DCBLD1: variants seen among roughly 807,000 people sequenced by gnomAD.
DCBLD1 encodes the protein discoidin, CUB and LCCL domain-containing protein 1.
Under a neutral mutation model 71.5 loss-of-function variants are expected in DCBLD1, and 57 were observed. The ratio of observed to expected loss-of-function variants is 0.80; its 90% CI spans 0.64 to 0.99. The LOEUF is 0.99. Ranked by LOEUF, DCBLD1 falls within the 50% of genes least tolerant of loss-of-function variation. The pLI is 0.00. For synonymous variants in DCBLD1, 380 were observed against 363.8 expected, an observed-to-expected ratio of 1.04 and a Z score of -0.51; for missense variants, 891 against 923.5, an observed-to-expected ratio of 0.96 and a Z score of 0.46.
At chr6:117,493,309 T>C (rs754611777) in intron 1 of DCBLD1, among the ~76,000 whole-genome samples, 42 of 152,306 alleles carry the variant, frequency 2.8e-4, no homozygotes, top group Middle Eastern at 3.4e-3. Flanking sequence ...TTAGTTTGCA[T>C]ACTGAAGTGT....
chr6:117,544,431 T>C, intron 12 of DCBLD1, 97 bp from the exon 13 acceptor site: 8 of 1,205,536 alleles, frequency 6.6e-6, no homozygotes, highest in Non-Finnish European at 9.2e-6. Context: ...ACATCAACCC[T>C]ATGAGGTAAG....
intron 2 of DCBLD1, among the ~76,000 whole-genome samples, chr6:117,514,451 C>A (rs982280840): frequency 2.0e-5 from 3 of 151,882 alleles, no homozygotes; most frequent in African/African-American, 7.3e-5. Flanking sequence ...CAAAAAAAAT[C>A]AAAAAATTAG....
chr6:117,488,464 C>T lies in DCBLD1; in HGVS notation c.112+5571C>T, dbSNP rs186170715. Among the ~76,000 whole-genome samples the T allele has an allele frequency of 1.7e-3, 251 of 151,792 alleles. 2 individuals are homozygous for T. Among genetic ancestry groups the T allele is most frequent in the African/African-American group, 5.5e-3 (227 of 41,364 alleles). ...TTCCAGACCAGCCTGGGCAACATGG[C>T]GAAACCCCCGACTCTACAAAAAATA... On this transcript the variant is annotated intron_variant, in intron 1 of 14. Coordinates refer to ENST00000338728, the MANE Select transcript of DCBLD1 (RefSeq NM_001366458.2).
chr6:117,561,160 A>G, intron 14 of DCBLD1: 1 of 224,500 alleles, frequency 4.5e-6, no homozygotes, highest in Non-Finnish European at 8.9e-6. Context: ...CTACCTGGAA[A>G]CTTTTCATTC....
Position 117,519,798 on chromosome 6 carries a change from A to G in DCBLD1, c.326-18A>G, listed in dbSNP as rs942308402. 6 of 1,599,264 alleles carry G rather than the reference A, an allele frequency of 3.8e-6. No individual in the cohort carries two copies. Among genetic ancestry groups the G allele is most frequent in the Non-Finnish European group, 5.1e-6 (6 of 1,167,618 alleles). On this transcript the variant is annotated intron_variant, in intron 2 of 14. Coordinates refer to ENST00000338728, the MANE Select transcript of DCBLD1 (RefSeq NM_001366458.2). ...GGTATAAATTTTGAAATGTGCCACA[A>G]GTGTGCTTTGTTTTTAGGTCCATAC...
intron 14 of DCBLD1, among the ~76,000 whole-genome samples, chr6:117,555,474 C>T (rs1779484582): frequency 1.3e-5 from 2 of 152,120 alleles, no homozygotes; most frequent in East Asian, 3.9e-4. Context: ...GTAGAGGGCA[C>T]CTAGTGAGCA....
chr6:117,559,537 C>T (rs1158364282), intron 14 of DCBLD1, among the ~76,000 whole-genome samples: 1 of 152,100 alleles, frequency 6.6e-6, no homozygotes, highest in African/African-American at 2.4e-5. Context: ...TTTCAGACCA[C>T]AGCAGCTGGA....
At chr6:117,491,870 A>G (rs1287380388) in intron 1 of DCBLD1, among the ~76,000 whole-genome samples, 1 of 152,198 alleles carries the variant, frequency 6.6e-6, no homozygotes, top group Non-Finnish European at 1.5e-5. Context: ...TTGGTGCGCT[A>G]TACCTGTATT....
At chr6:117,496,080 T>C (rs1371142460) in intron 1 of DCBLD1, among the ~76,000 whole-genome samples, 1 of 152,246 alleles carries the variant, frequency 6.6e-6, no homozygotes. Context: ...TTTATTTTAC[T>C]TTCAAATGTT....
At chr6:117,527,622 A>G (rs570758080) in intron 5 of DCBLD1, among the ~76,000 whole-genome samples, 44 of 152,342 alleles carry the variant, frequency 2.9e-4, no homozygotes, top group South Asian at 8.3e-4. Flanking sequence ...TTTCAGCTGC[A>G]TATAAGGAAT....
intron 1 of DCBLD1, among the ~76,000 whole-genome samples, chr6:117,497,294 A>G (rs1465133240): frequency 1.3e-5 from 2 of 152,254 alleles, no homozygotes; most frequent in Non-Finnish European, 2.9e-5. Context: ...TTAAAGTCTA[A>G]TCATACTTTC....
At chr6:117,529,590 G>T (rs1778650307) in intron 5 of DCBLD1, among the ~76,000 whole-genome samples, 1 of 152,082 alleles carries the variant, frequency 6.6e-6, no homozygotes. Context: ...CAAAAATCAG[G>T]TTCAATAAAT....
rs552233422 is a variant in DCBLD1 at position 117,549,094 on chromosome 6, C to T, written c.*655C>T. The T allele has an allele frequency of 3.0e-6, 3 of 985,762 alleles. No individual in the cohort carries two copies. The highest frequency in any genetic ancestry group is 6.1e-5 in the Admixed American group (1 of 16,302). The allele number at this position is 985,762 out of a possible 1,614,324, so 61.1% of individuals were successfully genotyped here. On this transcript the variant is annotated 3_prime_UTR_variant, in exon 15 of 15. Transcript: ENST00000338728. ...TTAAAAACAAGCAAAGAAACAACAC[C>T]TCAGCAGCTGCCCGTTTCCTTAGTC...
chr6:117,539,030 A>T, intron 8 of DCBLD1, 195 bp downstream of exon 8: 1 of 708,114 alleles, frequency 1.4e-6, no homozygotes, highest in Non-Finnish European at 2.3e-6. Context: ...ATATGGATAT[A>T]TGGATTAGAG....
In DCBLD1 at chr6:117,540,751, C is replaced by T. The variant is rs756118119; in HGVS notation, c.1185C>T (p.Val395=). 34 of 1,614,052 alleles carry T rather than the reference C, an allele frequency of 2.1e-5. No homozygotes were observed. Among genetic ancestry groups the T allele is most frequent in the African/African-American group, 2.7e-5 (2 of 74,920 alleles). ...TCGTGGCCAGATATGTGCGGGTTGT[C>T]CCCCAGACATGGCACCAGAGGATAG... ...PPIVARYVRV[V]PQTWHQRIAL... Residue 395 remains valine, a synonymous_variant, in exon 10 of 15, where the codon GTC becomes GTT. Transcript: ENST00000338728.
At chr6:117,511,009 A>G (rs780704578) in intron 2 of DCBLD1, among the ~76,000 whole-genome samples, 7 of 152,184 alleles carry the variant, frequency 4.6e-5, no homozygotes, top group Non-Finnish European at 7.3e-5. Flanking sequence ...AAAGAAGGCC[A>G]ACTAACATGC....
In DCBLD1 at chr6:117,556,734, A is replaced by G. The variant is rs1295311716; in HGVS notation, c.1615+11137A>G. ...ATAATTTCTTTCTTTCTTTGGGTAT[A>G]TGCCCAGTAGTGGGGTTGCTGGATC... On this transcript the variant is annotated intron_variant, in intron 14 of 14. Transcript: ENST00000296955. Among the ~76,000 whole-genome samples the G allele has an allele frequency of 2.6e-5, 4 of 152,174 alleles. No homozygotes were observed. In the East Asian group the frequency reaches 7.7e-4, roughly 29 times the overall value.
chr6:117,549,431 C>T lies in DCBLD1; in HGVS notation c.*992C>T, dbSNP rs11550977. 1.0e-6 allele frequency: 1 copy of T among 985,302 alleles called. No homozygotes were observed. Among genetic ancestry groups the T allele is most frequent in the Non-Finnish European group, 1.2e-6 (1 of 829,922 alleles). 61.0% of individuals were successfully genotyped at this position (985,302 alleles called of 1,614,324 possible). On this transcript the variant is annotated 3_prime_UTR_variant, in exon 15 of 15. Transcript: ENST00000338728. ...TCTCATTTTATAAGAAATGATTTTC[C>T]CCTCAAGGAGGCGTCTGTAATTCCA...
At position 117,499,669 on chromosome 6, in the gene DCBLD1, A is replaced by G. The variant is rs115937219; in HGVS notation, c.113-4098A>G. Among the ~76,000 whole-genome samples the G allele has an allele frequency of 1.7e-3, 264 of 152,300 alleles. 1 individual carries two copies. The highest frequency in any genetic ancestry group is 6.0e-3 in the African/African-American group (250 of 41,576). ...CTCAATTATAACATCTTTGCAAACTACAATACCATATCACAACCAGGATAC... is the reference window on the plus strand; with the variant it reads ...CTCAATTATAACATCTTTGCAAACTGCAATACCATATCACAACCAGGATAC... On this transcript the variant is annotated intron_variant, in intron 1 of 14. Coordinates refer to ENST00000338728, the MANE Select transcript of DCBLD1 (RefSeq NM_001366458.2).
Sources: allele counts gnomAD v4.1 joint callset (sites outside exome capture counted in the v4.1 genomes callset), GRCh38; gene constraint gnomAD v4.1.1; transcripts MANE v1.5; gene names NCBI Gene and HGNC (gene_info 2026-07-23, HGNC 2026-07-21).